FAM219A: variants seen among roughly 807,000 people sequenced by gnomAD.
FAM219A encodes the protein protein FAM219A.
In FAM219A, 7 loss-of-function variants were observed where a neutral mutation model predicts 23.4. The observed-to-expected ratio is 0.30, with a 90% confidence interval of 0.17 to 0.56. The LOEUF is 0.56. FAM219A is among the 20% of genes least tolerant of loss of function. The pLI, the probability that FAM219A is intolerant of heterozygous loss-of-function variation, is 0.92. For synonymous variants in FAM219A, 93 were observed against 99.0 expected, an observed-to-expected ratio of 0.94 and a Z score of 0.36; for missense variants, 166 against 246.9, an observed-to-expected ratio of 0.67 and a Z score of 2.20.
chr9:34,409,192 T>C (rs1821743077), intron 1 of FAM219A, among the ~76,000 whole-genome samples: 1 of 152,220 alleles, frequency 6.6e-6, no homozygotes, highest in African/African-American at 2.4e-5. Flanking sequence ...TCACTATCCA[T>C]GACAGAAGGC....
At chr9:34,401,298 C>T (rs1181869865) in intron 5 of FAM219A, among the ~76,000 whole-genome samples, 176 bp from the exon 6 acceptor site, 5 of 152,204 alleles carry the variant, frequency 3.3e-5, no homozygotes, top group Non-Finnish European at 7.4e-5. Flanking sequence ...CGCCCTCCTT[C>T]GCCTCTGGCC....
intron 1 of FAM219A, among the ~76,000 whole-genome samples, chr9:34,421,005 T>TGAGAGAGAGAGAGA (rs1413300702): frequency 8.2e-4 from 34 of 41,514 alleles, no homozygotes; most frequent in African/African-American, 2.3e-3. Flanking sequence ...TGTGTGTGTG[T>TGAGAGAGAGAGAGA]GTGTGAGAGA....
chr9:34,426,599 T>C (rs895193949), intron 1 of FAM219A, among the ~76,000 whole-genome samples: 3 of 152,232 alleles, frequency 2.0e-5, no homozygotes, highest in Non-Finnish European at 4.4e-5. Context: ...CGTAGTAATG[T>C]AATTTAGTTT....
intron 1 of FAM219A, among the ~76,000 whole-genome samples, chr9:34,450,207 GGA>G (rs1489092010): frequency 6.6e-6 from 1 of 151,778 alleles, no homozygotes; most frequent in East Asian, 2.0e-4. Context: ...CAGCTACTCA[GGA>G]GGCTGAGGCA....
rs139345848 is a variant in FAM219A at position 34,451,779 on chromosome 9, C to G, written c.60+6425G>C. On this transcript the variant is annotated intron_variant, in intron 1 of 5. Coordinates refer to ENST00000651358, the MANE Select transcript of FAM219A (RefSeq NM_001184940.2). ...GCCAAGTGACCTCTGAGTGATCTCACCCCAGAATTCTGCTCCTTTGGTACA... is the reference window on the plus strand; with the variant it reads ...GCCAAGTGACCTCTGAGTGATCTCAGCCCAGAATTCTGCTCCTTTGGTACA... Among the ~76,000 whole-genome samples, 517 of 152,296 alleles carry G rather than the reference C, an allele frequency of 3.4e-3. 2 individuals are homozygous for G. The highest frequency in any genetic ancestry group is 0.011 in the African/African-American group (477 of 41,564).
intron 2 of FAM219A, 117 bp downstream of exon 2, chr9:34,405,748 G>T: frequency 1.0e-6 from 1 of 1,000,376 alleles, no homozygotes. Context: ...TGACTTGAAG[G>T]CTTGAGTCTT....
rs565413462 is a variant in FAM219A at position 34,401,609 on chromosome 9, C to G, written c.399+57G>C. The G allele has an allele frequency of 1.3e-5, 20 of 1,566,624 alleles. No homozygotes were observed. In the East Asian group the frequency reaches 1.4e-4, roughly 11 times the overall value. ...TTGGGCATTGGCCCCAGCCCTCCCC[C>G]GGGATGGCAGTGATCCTGCCCGGTG... is the stretch of plus-strand genomic sequence containing the variant. On this transcript the variant is annotated intron_variant, in intron 5 of 5. Coordinates refer to ENST00000651358, the MANE Select transcript of FAM219A (RefSeq NM_001184940.2).
rs758652533 is a variant in FAM219A, at chr9:34,446,268, AG to A, written c.60+11935del. Among the ~76,000 whole-genome samples, 98 of 152,284 alleles carry A rather than the reference AG, an allele frequency of 6.4e-4. 1 individual carries two copies. Among genetic ancestry groups the A allele is most frequent in the Admixed American group, 2.6e-3 (40 of 15,288 alleles). On this transcript the variant is annotated intron_variant, in intron 1 of 5. Coordinates refer to ENST00000651358, the MANE Select transcript of FAM219A (RefSeq NM_001184940.2). ...CACAATGACAAGGTATTAGGGCCAC[AG>A]GACAGGTAAATGGAGAGCTCACATC...
intron 1 of FAM219A, among the ~76,000 whole-genome samples, chr9:34,450,157 CA>C (rs1426411570): frequency 6.6e-6 from 1 of 151,816 alleles, no homozygotes; most frequent in Non-Finnish European, 1.5e-5. Context: ...ACAAAAAATA[CA>C]AAAAATTAGC....
At chr9:34,454,752 C>G (rs1163681900) in intron 1 of FAM219A, among the ~76,000 whole-genome samples, 1 of 152,194 alleles carries the variant, frequency 6.6e-6, no homozygotes, top group Non-Finnish European at 1.5e-5. Flanking sequence ...CTGCCACGCC[C>G]CCAGGCCTTC....
chr9:34,402,177 G>A (rs990353047), intron 4 of FAM219A: 35 of 1,496,026 alleles, frequency 2.3e-5, no homozygotes, highest in Admixed American at 4.3e-5. Context: ...AGCAGACAAC[G>A]CAGGCCCCCC....
intron 5 of FAM219A, among the ~76,000 whole-genome samples, chr9:34,401,388 C>G (rs1313288008): frequency 6.6e-6 from 1 of 152,204 alleles, no homozygotes; most frequent in Non-Finnish European, 1.5e-5. Context: ...TTGCCCCTAT[C>G]TCAGGCCGGC....
At chr9:34,405,609 C>G (rs1170535686) in intron 2 of FAM219A, among the ~76,000 whole-genome samples, 1 of 152,168 alleles carries the variant, frequency 6.6e-6, no homozygotes, top group East Asian at 1.9e-4. Context: ...TGCTTTTCCC[C>G]CTGCAGCTAT....
intron 1 of FAM219A, among the ~76,000 whole-genome samples, chr9:34,431,895 C>T (rs942006044): frequency 2.0e-5 from 3 of 152,168 alleles, no homozygotes; most frequent in African/African-American, 7.2e-5. Context: ...CATATGTGCA[C>T]GCATGTGTGA....
intron 1 of FAM219A, among the ~76,000 whole-genome samples, chr9:34,456,995 C>T (rs1823755724): frequency 6.6e-6 from 1 of 152,324 alleles, no homozygotes; most frequent in Non-Finnish European, 1.5e-5. Flanking sequence ...GCACATCTGT[C>T]AGCCAGGGGG....
intron 1 of FAM219A, among the ~76,000 whole-genome samples, chr9:34,438,617 A>C (rs1228915155): frequency 6.6e-6 from 1 of 152,012 alleles, no homozygotes; most frequent in African/African-American, 2.4e-5. Flanking sequence ...CTCAAGGTTT[A>C]TAAACAAACC....
intron 1 of FAM219A, among the ~76,000 whole-genome samples, chr9:34,449,607 T>C (rs1208725867): frequency 2.0e-5 from 3 of 152,202 alleles, no homozygotes; most frequent in East Asian, 1.9e-4. Context: ...TTAAAAGAAC[T>C]AGGAAGACTA....
rs1041451150 is a variant in FAM219A at position 34,402,393 on chromosome 9, G to A, written c.338C>T (p.Thr113Met). 5.6e-6 allele frequency: 9 copies of A among 1,614,100 alleles called. No individual in the cohort carries two copies. Among genetic ancestry groups the A allele is most frequent in the African/African-American group, 2.7e-5 (2 of 74,932 alleles). ...PDEKPLVALD[T>M]DSDDDFDMSR... ...CCCAAGCCCCCATACACACCTGTCC[G>A]TGTCAAGGGCTACCAGTGGCTTCTC... Residue 113 changes from threonine (T) to methionine (M), a missense_variant, in exon 4 of 6, where the codon ACG (threonine) becomes ATG (methionine). Around this residue, in one of 3 missense-constraint regions of FAM219A, gnomAD observed 72 missense variants for 131.0 expected, o/e 0.55. Transcript: ENST00000651358.
chr9:34,458,134 C>G lies in FAM219A; in HGVS notation c.60+70G>C. ...GCGCCCCTCCGCACGATCCCCCCGG[C>G]CTGATTCCCTCCCTCCCCCTCAAGC... On this transcript the variant is annotated intron_variant, in intron 1 of 5. Coordinates refer to ENST00000651358, the MANE Select transcript of FAM219A (RefSeq NM_001184940.2). This position sits in a 1 kb window ranked among gnomAD's most constrained non-coding sequence, Gnocchi z 6.6. The G allele has an allele frequency of 7.1e-7, 1 of 1,402,140 alleles. No individual in the cohort carries two copies. The highest frequency in any genetic ancestry group is 1.5e-5 in the African/African-American group (1 of 68,594). The allele number at this position is 1,402,140 out of a possible 1,614,324, so 86.9% of individuals were successfully genotyped here.
Sources: gnomAD v4.1 joint callset for allele counts (sites outside exome capture counted in the v4.1 genomes callset) on GRCh38, gnomAD v4.1.1 for gene constraint, gnomAD v4.1.1 regional missense constraint, Gnocchi (gnomAD v3.1) non-coding constraint, MANE v1.5 for transcripts, NCBI Gene and HGNC (gene_info 2026-07-23, HGNC 2026-07-21) for gene names.